The following NTNG1 variants were observed in gnomAD, a reference collection of about 807,000 sequenced individuals.
The protein encoded by NTNG1 is netrin G1.
A neutral mutation model predicts 54.0 loss-of-function variants in NTNG1; 16 were observed. The observed-to-expected ratio is 0.30, with a 90% CI of 0.20 to 0.45. The LOEUF is 0.45. NTNG1 is among the 20% of genes least tolerant of loss of function. The pLI, the probability that NTNG1 is intolerant of heterozygous loss-of-function variation, is 1.00. For missense variants in NTNG1, 530 were observed against 678.7 expected (o/e 0.78, Z 2.43); for synonymous variants, 255 against 263.1 (o/e 0.97, Z 0.30).
In NTNG1 at chr1:107,400,941, C is replaced by T. The variant is rs541583515; in HGVS notation, c.1060+5615C>T. ...CTGGGATTACAGGTGTGAGCCACCA[C>T]GCCCAGCCCATTTGTGGAATTACTT... On this transcript the variant is annotated intron_variant, in intron 4 of 7. Transcript: ENST00000370068. Among the ~76,000 whole-genome samples, 45 of 152,288 alleles carry T rather than the reference C, an allele frequency of 3.0e-4. 1 individual carries two copies. In the South Asian group the frequency reaches 6.2e-3, roughly 21 times the overall value.
chr1:107,239,686 C>G (rs925324591), intron 2 of NTNG1, among the ~76,000 whole-genome samples: 9 of 152,048 alleles, frequency 5.9e-5, no homozygotes, highest in African/African-American at 2.2e-4. Flanking sequence ...TTTAGTTATA[C>G]TAAAGAGAGA....
At chr1:107,161,764 G>T (rs1486318047) in intron 2 of NTNG1, among the ~76,000 whole-genome samples, 2 of 150,492 alleles carry the variant, frequency 1.3e-5, no homozygotes, top group East Asian at 1.9e-4. Flanking sequence ...AAAAAAAAAA[G>T]ATATCACTGA....
At chr1:107,455,628 G>T in intron 7 of NTNG1, 2 of 495,538 alleles carry the variant, frequency 4.0e-6, no homozygotes, top group South Asian at 1.5e-5. Context: ...GCTCTGTGGT[G>T]AGATGGAAGG....
intron 7 of NTNG1, among the ~76,000 whole-genome samples, chr1:107,457,526 T>C (rs763824452): frequency 3.0e-4 from 45 of 152,328 alleles, no homozygotes; most frequent in African/African-American, 1.1e-3. Flanking sequence ...AATTAAAACA[T>C]ATATGTGTCT....
intron 2 of NTNG1, among the ~76,000 whole-genome samples, chr1:107,180,547 G>A (rs1297494324): frequency 1.3e-5 from 2 of 152,106 alleles, no homozygotes; most frequent in Non-Finnish European, 2.9e-5. Flanking sequence ...ACTGGTTTAT[G>A]ACATACTGAT....
At chr1:107,316,548 G>GT (rs1667349596) in intron 2 of NTNG1, among the ~76,000 whole-genome samples, 1 of 152,090 alleles carries the variant, frequency 6.6e-6, no homozygotes, top group Non-Finnish European at 1.5e-5. Flanking sequence ...AAATGTCTTT[G>GT]TGGCTTTGTT....
chr1:107,366,744 G>T (rs960599851), intron 3 of NTNG1, among the ~76,000 whole-genome samples: 1 of 152,154 alleles, frequency 6.6e-6, no homozygotes, highest in Non-Finnish European at 1.5e-5. Flanking sequence ...AGGGATGTAG[G>T]ATGTTCTCTG....
At chr1:107,311,919 G>A (rs1217245462) in intron 2 of NTNG1, among the ~76,000 whole-genome samples, 3 of 152,098 alleles carry the variant, frequency 2.0e-5, no homozygotes, top group Non-Finnish European at 2.9e-5. Flanking sequence ...AAACTAAAAC[G>A]TATGTTCAGA....
intron 2 of NTNG1, among the ~76,000 whole-genome samples, chr1:107,268,961 A>G (rs1279628578): frequency 6.6e-6 from 1 of 152,140 alleles, no homozygotes; most frequent in Non-Finnish European, 1.5e-5. Flanking sequence ...AACTGACGTA[A>G]TCTATCTGGT....
intron 3 of NTNG1, among the ~76,000 whole-genome samples, chr1:107,381,860 G>A (rs192884043): frequency 1.1e-4 from 16 of 152,228 alleles, no homozygotes; most frequent in South Asian, 2.1e-4. Context: ...ATTCTAAGCC[G>A]GGATTCTCCA....
At position 107,481,693 on chromosome 1, in the gene NTNG1, T is replaced by G. The variant is rs114287822; in HGVS notation, c.*853T>G. 1,149 of 152,760 alleles carry G rather than the reference T, an allele frequency of 7.5e-3. 8 individuals carry two copies. Among genetic ancestry groups the G allele is most frequent in the Non-Finnish European group, 0.012 (804 of 68,038 alleles). The allele number at this position is 152,760 out of a possible 1,614,324, so 9.5% of individuals were successfully genotyped here. ...CCTCTTTCGTTCTGTTTTGTTTCACTGTGCAGAGATTTCTCTGTAAGGGCA... is the reference window on the plus strand; with the variant it reads ...CCTCTTTCGTTCTGTTTTGTTTCACGGTGCAGAGATTTCTCTGTAAGGGCA... On this transcript the variant is annotated 3_prime_UTR_variant, in exon 8 of 8. Transcript: ENST00000370068.
At chr1:107,242,850 GA>G (rs2101586095) in intron 2 of NTNG1, among the ~76,000 whole-genome samples, 1 of 152,246 alleles carries the variant, frequency 6.6e-6, no homozygotes, top group Admixed American at 6.5e-5. Flanking sequence ...ATTTAAAGGG[GA>G]AAAATTTTTA....
intron 4 of NTNG1, among the ~76,000 whole-genome samples, chr1:107,401,080 C>A (rs1453184503): frequency 6.6e-6 from 1 of 152,178 alleles, no homozygotes; most frequent in Non-Finnish European, 1.5e-5. Flanking sequence ...TCACCAGCTC[C>A]AACACAAGAG....
chr1:107,384,024 A>G (rs941363038), intron 3 of NTNG1, among the ~76,000 whole-genome samples: 7 of 152,188 alleles, frequency 4.6e-5, no homozygotes, highest in Admixed American at 3.3e-4. Context: ...TCTGGATTGT[A>G]GTAATTATCT....
intron 2 of NTNG1, among the ~76,000 whole-genome samples, chr1:107,215,796 T>G (rs1659912061): frequency 2.6e-5 from 4 of 152,132 alleles, no homozygotes; most frequent in African/African-American, 9.7e-5. Context: ...TATTTGCTTG[T>G]GTCATCTATG....
chr1:107,244,285 T>C (rs895818386), intron 2 of NTNG1, among the ~76,000 whole-genome samples: 1 of 152,212 alleles, frequency 6.6e-6, no homozygotes, highest in African/African-American at 2.4e-5. Context: ...AAAGTTTGAA[T>C]GATTTATTTT....
chr1:107,351,658 C>G (rs1474001452), intron 3 of NTNG1, among the ~76,000 whole-genome samples: 2 of 152,154 alleles, frequency 1.3e-5, no homozygotes, highest in Non-Finnish European at 2.9e-5. Context: ...TATCATTCTG[C>G]CCCTGGCCCT....
rs1331836364 is a variant in NTNG1 at position 107,466,680 on chromosome 1, A to G, written c.1391-13931A>G. Among the ~76,000 whole-genome samples, 7 of 152,290 alleles carry G rather than the reference A, an allele frequency of 4.6e-5. No homozygotes were observed. The East Asian group carries it at 1.2e-3, about 25-fold the overall frequency. ...GTCTGCTTCAAAGAGAAGCTCTAAC[A>G]TCTTTTCCCTGTGTTTTAAATACCA... On this transcript the variant is annotated intron_variant, in intron 7 of 7. Coordinates refer to ENST00000370068, the MANE Select transcript of NTNG1 (RefSeq NM_001113226.3).
At chr1:107,196,500 G>C (rs953439188) in intron 2 of NTNG1, among the ~76,000 whole-genome samples, 5 of 152,016 alleles carry the variant, frequency 3.3e-5, no homozygotes, top group Non-Finnish European at 7.4e-5. Flanking sequence ...AAAGTAGATC[G>C]TGGGAAGTAG....
Sources: allele counts gnomAD v4.1 joint callset (sites outside exome capture counted in the v4.1 genomes callset), GRCh38; gene constraint gnomAD v4.1.1; transcripts MANE v1.5; gene names NCBI Gene and HGNC (gene_info 2026-07-23, HGNC 2026-07-21).